Variants in BDH1 observed in about 807,000 individuals in gnomAD.
The protein encoded by BDH1 is 3-hydroxybutyrate dehydrogenase 1.
In BDH1, 30 loss-of-function variants were observed where a neutral mutation model predicts 33.1. The observed-to-expected ratio is 0.91, with a 90% CI of 0.68 to 1.23. The LOEUF (loss-of-function observed/expected upper bound fraction) is 1.23, where lower values mean the gene tolerates loss of function less well. BDH1 is among the 50% of genes most tolerant of loss of function. The pLI is 0.00. For synonymous variants in BDH1, 190 were observed against 183.6 expected (o/e 1.03, Z -0.28); for missense variants, 443 against 464.4 (o/e 0.95, Z 0.42).
intron 1 of BDH1, among the ~76,000 whole-genome samples, chr3:197,573,005 A>G (rs988635332): frequency 9.2e-5 from 14 of 152,160 alleles, no homozygotes; most frequent in African/African-American, 2.9e-4. Flanking sequence ...TCAAAAAGAA[A>G]ATCTAATTGC....
chr3:197,515,690 CTG>C (rs1712629698), intron 6 of BDH1: 2 of 984,644 alleles, frequency 2.0e-6, no homozygotes, highest in South Asian at 9.4e-5. Context: ...CCTTCTGTAA[CTG>C]TGCTACCTGC....
At chr3:197,540,298 C>A (rs1279895465) in intron 3 of BDH1, among the ~76,000 whole-genome samples, 2 of 150,288 alleles carry the variant, frequency 1.3e-5, no homozygotes, top group Admixed American at 6.6e-5. Flanking sequence ...AAGTGATCCA[C>A]CTGCCTCTGC....
At chr3:197,564,086 C>G (rs1278534396) in intron 1 of BDH1, among the ~76,000 whole-genome samples, 1 of 114,464 alleles carries the variant, frequency 8.7e-6, no homozygotes, top group Non-Finnish European at 1.7e-5. Context: ...TGGGTGACAG[C>G]CAGACTTCAT....
intron 3 of BDH1, among the ~76,000 whole-genome samples, chr3:197,540,920 A>G (rs1442111632): frequency 6.6e-6 from 1 of 152,126 alleles, no homozygotes; most frequent in Non-Finnish European, 1.5e-5. Flanking sequence ...ATACCCTGAC[A>G]AGGTGGGTAA....
intron 3 of BDH1, among the ~76,000 whole-genome samples, chr3:197,544,759 A>G (rs888356950): frequency 6.6e-6 from 1 of 152,220 alleles, no homozygotes. Context: ...AAATTCAAGC[A>G]AATGCTGCTA....
chr3:197,569,246 GTT>G (rs34469658), intron 1 of BDH1, among the ~76,000 whole-genome samples: 4 of 150,890 alleles, frequency 2.7e-5, no homozygotes, highest in African/African-American at 9.7e-5. Flanking sequence ...TTGGAGTACA[GTT>G]TTTTTTTTCC....
In BDH1 at chr3:197,554,843, G is replaced by C. The variant is rs113639477; in HGVS notation, c.-195-130C>G. 1.3e-5 allele frequency: 2 copies of C among 152,332 alleles called. No individual in the cohort carries two copies. Among genetic ancestry groups the C allele is most frequent in the East Asian group, 1.9e-4 (1 of 5,186 alleles). The allele number at this position is 152,332 out of a possible 1,614,324, so 9.4% of individuals were successfully genotyped here. On this transcript the variant is annotated intron_variant, in intron 1 of 7. Transcript: ENST00000392379. This position sits in a 1 kb window ranked among gnomAD's most constrained non-coding sequence, Gnocchi z 4.4. Reference sequence around the variant, plus strand: ...CAAGGCGCCTGGGCCGCTAGGGACCGACCGGAGCGCTCAAACCCACAGGGT... The same window carrying C: ...CAAGGCGCCTGGGCCGCTAGGGACCCACCGGAGCGCTCAAACCCACAGGGT...
intron 2 of BDH1, among the ~76,000 whole-genome samples, chr3:197,549,602 G>A (rs1716383285): frequency 6.6e-6 from 1 of 152,234 alleles, no homozygotes; most frequent in Admixed American, 6.5e-5. Context: ...ATGGGCCCTT[G>A]CCACTCCCAA....
chr3:197,524,721 T>C (rs1376501210), intron 5 of BDH1, among the ~76,000 whole-genome samples: 2 of 148,908 alleles, frequency 1.3e-5, no homozygotes, highest in Non-Finnish European at 3.0e-5. Context: ...GGGGGGTTGT[T>C]TGGAGGTAGG....
chr3:197,514,944 A>G lies in BDH1; in HGVS notation c.410-528T>C, dbSNP rs1217590483. 2.6e-5 allele frequency among the ~76,000 whole-genome samples: 4 copies of G among 152,178 alleles called. No homozygotes were observed. Among genetic ancestry groups the G allele is most frequent in the African/African-American group, 9.7e-5 (4 of 41,442 alleles). ...CAGTTTGTTGGGGTGCAAAGGCTGG[A>G]TGGGTCAGAGCCTCAGGACAGAGCT... On this transcript the variant is annotated intron_variant, in intron 6 of 7. Transcript: ENST00000392379. The surrounding 1 kb of genome is among the most constrained non-coding windows in gnomAD (Gnocchi z 4.2).
At chr3:197,545,908 G>T (rs183194934) in intron 3 of BDH1, among the ~76,000 whole-genome samples, 7 of 152,180 alleles carry the variant, frequency 4.6e-5, no homozygotes, top group Non-Finnish European at 1.0e-4. Context: ...AGGCCAAGGC[G>T]GGTGGATCAC....
intron 3 of BDH1, 114 bp downstream of exon 3, chr3:197,546,247 T>C (rs925499781): frequency 9.7e-6 from 10 of 1,025,870 alleles, no homozygotes; most frequent in Admixed American, 3.9e-5. Flanking sequence ...ACAAAGGTAT[T>C]GAGAGACATC....
chr3:197,515,014 C>T lies in BDH1; in HGVS notation c.410-598G>A, dbSNP rs76660795. 7.2e-3 allele frequency among the ~76,000 whole-genome samples: 1,096 copies of T among 152,286 alleles called. 11 individuals are homozygous for T. The highest frequency in any genetic ancestry group is 0.011 in the Non-Finnish European group (756 of 68,016). ...TGGAAACCCTCAGTGTTTGGTCTCC[C>T]GGGCCGATAGCCCCGTGCTCCTTCC... is the stretch of plus-strand genomic sequence containing the variant. On this transcript the variant is annotated intron_variant, in intron 6 of 7. Coordinates refer to ENST00000392379, the MANE Select transcript of BDH1 (RefSeq NM_203314.3).
In BDH1 at chr3:197,528,797, C is replaced by T. The variant is rs1714374025; in HGVS notation, c.267+3615G>A. 1 of 152,290 alleles carries T rather than the reference C, an allele frequency of 6.6e-6. No individual in the cohort carries two copies. Among genetic ancestry groups the T allele is most frequent in the Non-Finnish European group, 1.5e-5 (1 of 68,078 alleles). The allele number at this position is 152,290 out of a possible 1,614,324, so 9.4% of individuals were successfully genotyped here. Reference sequence around the variant, plus strand: ...TCCTATTAGGGTAAGTAAGAGGAAACTGAGGCCCAGGGAGGGGACATGTTT... The same window carrying T: ...TCCTATTAGGGTAAGTAAGAGGAAATTGAGGCCCAGGGAGGGGACATGTTT... On this transcript the variant is annotated intron_variant, in intron 5 of 7. Coordinates refer to ENST00000392379, the MANE Select transcript of BDH1 (RefSeq NM_203314.3). This position sits in a 1 kb window ranked among gnomAD's most constrained non-coding sequence, Gnocchi z 5.1.
At chr3:197,512,413 A>C (rs1712171555) in intron 7 of BDH1, 49 bp from the exon 8 acceptor site, 1 of 1,533,380 alleles carries the variant, frequency 6.5e-7, no homozygotes, top group Admixed American at 1.8e-5. Context: ...GCCCTATGAC[A>C]CAGCGGGCAG....
intron 3 of BDH1, among the ~76,000 whole-genome samples, chr3:197,536,206 T>C (rs1404130383): frequency 6.6e-6 from 1 of 152,242 alleles, no homozygotes; most frequent in Non-Finnish European, 1.5e-5. Flanking sequence ...GCTTTTGCAC[T>C]TTTGTCAAAA....
At chr3:197,537,752 A>C (rs531671522) in intron 3 of BDH1, among the ~76,000 whole-genome samples, 2 of 152,340 alleles carry the variant, frequency 1.3e-5, no homozygotes, top group African/African-American at 4.8e-5. Context: ...CATCTTCTGC[A>C]TTGATAGAGA....
At chr3:197,545,398 CA>C (rs1273440326) in intron 3 of BDH1, among the ~76,000 whole-genome samples, 7 of 152,222 alleles carry the variant, frequency 4.6e-5, no homozygotes, top group Non-Finnish European at 1.0e-4. Flanking sequence ...GAGCAGTTAT[CA>C]AAATAATGTA....
Position 197,511,333 on chromosome 3 carries a change from C to T in BDH1, c.*562G>A, listed in dbSNP as rs1712000538. 6.5e-6 allele frequency: 1 copy of T among 152,720 alleles called. No individual in the cohort carries two copies. Among genetic ancestry groups the T allele is most frequent in the African/African-American group, 2.4e-5 (1 of 41,440 alleles). 9.5% of individuals were successfully genotyped at this position (152,720 alleles called of 1,614,324 possible). On this transcript the variant is annotated 3_prime_UTR_variant, in exon 8 of 8. Coordinates refer to ENST00000392379, the MANE Select transcript of BDH1 (RefSeq NM_203314.3). ...ACAGCACCATGGACATGCAGAGGTA[C>T]CAGTGGGCACTTGGTGTGTGCTGCC...
Sources: gnomAD v4.1 joint callset for allele counts (sites outside exome capture counted in the v4.1 genomes callset) on GRCh38, gnomAD v4.1.1 for gene constraint, Gnocchi (gnomAD v3.1) non-coding constraint, MANE v1.5 for transcripts, NCBI Gene and HGNC (gene_info 2026-07-23, HGNC 2026-07-21) for gene names.